Variants in NOP14 observed in about 807,000 individuals in gnomAD.
The protein encoded by NOP14 is NOP14 nucleolar protein.
A neutral mutation model predicts 101.6 loss-of-function variants in NOP14; 57 were observed. The ratio of observed to expected loss-of-function variants is 0.56; its 90% confidence interval spans 0.45 to 0.70. NOP14 has a LOEUF of 0.70. NOP14 is among the 30% of genes least tolerant of loss of function. The pLI, the probability that NOP14 is intolerant of heterozygous loss-of-function variation, is 0.00. For missense variants in NOP14, 1,134 were observed against 1,075.5 expected (o/e 1.05, Z -0.76); for synonymous variants, 428 against 424.0 (o/e 1.01, Z -0.12).
In NOP14 at chr4:2,953,627, G is replaced by C. The variant is rs750876670; in HGVS notation, c.631C>G (p.Arg211Gly). Residue 211 changes from arginine (R) to glycine (G), a missense_variant, in exon 5 of 18, where the codon CGA (arginine) becomes GGA (glycine). By Grantham distance (125) the Arg-to-Gly change is moderately radical. Transcript: ENST00000416614. The stretch of plus-strand genomic sequence containing the variant: ...TCCGTGAGCTCGAGGGCATCTTCTC[G>C]TTGAGCTTGTCTCTCCCTCTGGGGA... ...KQEKRERQAQ[R>G]EDALELTEKL... 1.2e-6 allele frequency: 2 copies of C among 1,614,008 alleles called. No homozygotes were observed. Among genetic ancestry groups the C allele is most frequent in the Non-Finnish European group, 1.7e-6 (2 of 1,180,028 alleles).
Position 2,963,397 on chromosome 4 carries a change from CCG to C in NOP14, c.-80_-79del. The stretch of plus-strand genomic sequence containing the variant: ...GCGCTACCCTAAGACACGTGCCGGG[CCG>C]CGGAACCGCTTCCTCGTCTCGCGAG... On this transcript the variant is annotated 5_prime_UTR_variant, in exon 1 of 18. Coordinates refer to ENST00000416614, the MANE Select transcript of NOP14 (RefSeq NM_001291978.2). 7.3e-7 allele frequency: 1 copy of C among 1,376,248 alleles called. No individual in the cohort carries two copies. Among genetic ancestry groups the C allele is most frequent in the Non-Finnish European group, 9.5e-7 (1 of 1,052,376 alleles). 85.3% of individuals were successfully genotyped at this position (1,376,248 alleles called of 1,614,324 possible).
chr4:2,961,264 TA>T, intron 1 of NOP14: 2 of 87,486 alleles, frequency 2.3e-5, no homozygotes, highest in African/African-American at 7.4e-5. Context: ...ATTAATAATA[TA>T]GTTAGTATAT....
At position 2,946,483 on chromosome 4, in the gene NOP14, G is replaced by A. The variant is rs150411289; in HGVS notation, c.1564C>T (p.Arg522Ter). 2.3e-5 allele frequency: 37 copies of A among 1,614,032 alleles called. No homozygotes were observed. The highest frequency in any genetic ancestry group is 1.9e-4 in the South Asian group (17 of 91,082). ...SASDAIKFVL[R>*]DAMHEMEEMI... ...TCTTCCATCTCATGCATCGCATCTC[G>A]GAGAACAAATTTGATAGCGTCACTT... The change falls in exon 11 of 18, where the codon CGA becomes TGA. Residue 522 changes from arginine to a stop codon, truncating the protein, a stop_gained. Coordinates refer to ENST00000416614, the MANE Select transcript of NOP14 (RefSeq NM_001291978.2). LOFTEE classifies it high-confidence loss of function.
chr4:2,948,943 A>G (rs955832660), intron 8 of NOP14, among the ~76,000 whole-genome samples: 6 of 152,236 alleles, frequency 3.9e-5, no homozygotes, highest in African/African-American at 1.2e-4. Flanking sequence ...TAATAAGGAA[A>G]TGCCCTCCCA....
intron 2 of NOP14, 151 bp downstream of exon 2, chr4:2,957,455 C>G (rs1715424503): frequency 1.1e-6 from 1 of 881,640 alleles, no homozygotes; most frequent in Non-Finnish European, 1.8e-6. Context: ...TCTCCTTTGG[C>G]CTAGCCAGAT....
intron 14 of NOP14, chr4:2,941,986 T>C (rs1560295127): frequency 3.1e-6 from 2 of 641,984 alleles, no homozygotes; most frequent in East Asian, 5.6e-5. Context: ...AAATTATGAT[T>C]TGTGAAATCA....
chr4:2,945,807 T>C (rs1325366284), intron 11 of NOP14, among the ~76,000 whole-genome samples: 2 of 152,180 alleles, frequency 1.3e-5, no homozygotes, highest in African/African-American at 4.8e-5. Flanking sequence ...CTGGACCAAA[T>C]ACAGCACCAT....
Position 2,952,531 on chromosome 4 carries a change from CGTCTTTTCTTCTA to C in NOP14, c.748-147_748-135del, listed in dbSNP as rs1431462336. Reference sequence around the variant, plus strand: ...TATTGAAGTAGCTAAGCCACATCTACGTCTTTTCTTCTAGAGAGAAAACTGTTCTGATAAGCCC... The same window carrying C: ...TATTGAAGTAGCTAAGCCACATCTACGAGAGAAAACTGTTCTGATAAGCCC... On this transcript the variant is annotated intron_variant, in intron 5 of 17. Coordinates refer to ENST00000416614, the MANE Select transcript of NOP14 (RefSeq NM_001291978.2). 4.0e-6 allele frequency: 3 copies of C among 750,524 alleles called. No individual in the cohort carries two copies. The African/African-American group carries it at 5.3e-5, about 13-fold the overall frequency. 46.5% of individuals were successfully genotyped at this position (750,524 alleles called of 1,614,324 possible).
intron 8 of NOP14, 130 bp downstream of exon 8, chr4:2,949,804 A>G: frequency 1.0e-6 from 1 of 997,652 alleles, no homozygotes; most frequent in Non-Finnish European, 1.5e-6. Flanking sequence ...GGGTGTGTCC[A>G]GGCACTCCCA....
Position 2,955,179 on chromosome 4 carries a change from CGGCGCCCCCTCT to C in NOP14, c.473-628_473-617del, listed in dbSNP as rs1236143863. 2.6e-4 allele frequency among the ~76,000 whole-genome samples: 22 copies of C among 84,928 alleles called. 1 individual carries two copies. The highest frequency in any genetic ancestry group is 1.1e-3 in the African/African-American group (21 of 19,066). The allele number at this position is 84,928 out of a possible 152,430, so 55.7% of individuals were successfully genotyped here. A position where few individuals can be genotyped will look rare whatever the true frequency, so the allele number is the denominator to read the frequency against. ...GCCCCCTCTAGTCACCTGCACGCCA[CGGCGCCCCCTCT>C]AGTCACCTGGACCACGGCGCCCCCT... On this transcript the variant is annotated intron_variant, in intron 3 of 17. Coordinates refer to ENST00000416614, the MANE Select transcript of NOP14 (RefSeq NM_001291978.2).
chr4:2,950,243 G>T lies in NOP14; in HGVS notation c.1003-30C>A, dbSNP rs1483642541. ...CAAGAGCGTGGAAACCACAGGGCATGAGGACAGGCGGAGACAACGCTGGAC... is the reference window on the plus strand; with the variant it reads ...CAAGAGCGTGGAAACCACAGGGCATTAGGACAGGCGGAGACAACGCTGGAC... On this transcript the variant is annotated intron_variant, in intron 7 of 17. Coordinates refer to ENST00000416614, the MANE Select transcript of NOP14 (RefSeq NM_001291978.2). 8.1e-6 allele frequency: 13 copies of T among 1,609,088 alleles called. No individual in the cohort carries two copies. In the Admixed American group the frequency reaches 2.2e-4, roughly 27 times the overall value.
Position 2,963,404 on chromosome 4 carries a change from A to G in NOP14, c.-85T>C. ...CCTAAGACACGTGCCGGGCCGCGGA[A>G]CCGCTTCCTCGTCTCGCGAGAACAG... On this transcript the variant is annotated 5_prime_UTR_variant, in exon 1 of 18. Coordinates refer to ENST00000416614, the MANE Select transcript of NOP14 (RefSeq NM_001291978.2). 1 of 1,356,788 alleles carries G rather than the reference A, an allele frequency of 7.4e-7. No individual in the cohort carries two copies. 84.0% of individuals were successfully genotyped at this position (1,356,788 alleles called of 1,614,324 possible).
intron 10 of NOP14, 58 bp downstream of exon 10, chr4:2,947,467 TG>T: frequency 8.5e-7 from 1 of 1,180,774 alleles, no homozygotes. Flanking sequence ...TGACTCTAAA[TG>T]GGAGAAAAAT....
chr4:2,941,645 C>G lies in NOP14; in HGVS notation c.2136G>C (p.Met712Ile), dbSNP rs999674017. 12 of 1,613,418 alleles carry G rather than the reference C, an allele frequency of 7.4e-6. No homozygotes were observed. Among genetic ancestry groups the G allele is most frequent in the Non-Finnish European group, 1.0e-5 (12 of 1,179,968 alleles). Residue 712 changes from methionine (M) to isoleucine (I), a missense_variant, in exon 15 of 18, where the codon ATG (methionine) becomes ATC (isoleucine). Met to Ile is a conservative substitution (Grantham distance 10, BLOSUM62 1). Transcript: ENST00000416614. ...CCGTGAGGAGGGCTTGGAGAGGCCCCATGATGGCGTGGAAGGATGGCAGGG... is the reference window on the plus strand; with the variant it reads ...CCGTGAGGAGGGCTTGGAGAGGCCCGATGATGGCGTGGAAGGATGGCAGGG... Reference protein sequence around the residue: ...YGSLPSFHAIMGPLQALLTDH... With the variant: ...YGSLPSFHAIIGPLQALLTDH...
chr4:2,961,310 T>TATTAATAATATAGTTAGTATA (rs1577858800), intron 1 of NOP14: 2 of 17,250 alleles, frequency 1.2e-4, no homozygotes, highest in East Asian at 1.9e-3. Context: ...TAGTTACTGA[T>TATTAATAATATAGTTAGTATA]TTAAGAACTA....
At chr4:2,960,077 C>A (rs929661348) in intron 1 of NOP14, among the ~76,000 whole-genome samples, 4 of 152,014 alleles carry the variant, frequency 2.6e-5, no homozygotes, top group Non-Finnish European at 5.9e-5. Flanking sequence ...TCAAGCAATT[C>A]TCCTGCCTCA....
rs371904916 is a variant in NOP14 at position 2,957,645 on chromosome 4, G to A, written c.291C>T (p.Pro97=). Residue 97 remains proline, a synonymous_variant, in exon 2 of 18, where the codon CCC becomes CCT. Transcript: ENST00000416614. ...CAAACCTCTTCATCATCTTCTCCTC[G>A]GGGCTCATGTTGCTGTTGTATTCTC... ...RFGEYNSNMS[P]EEKMMKRFAL... The A allele has an allele frequency of 1.4e-5, 23 of 1,614,032 alleles. No individual in the cohort carries two copies. The highest frequency in any genetic ancestry group is 1.8e-5 in the Non-Finnish European group (21 of 1,179,994).
chr4:2,939,589 C>T lies in NOP14; in HGVS notation c.2256G>A (p.Pro752=), dbSNP rs376584087. The change falls in exon 16 of 18, where the codon CCG becomes CCA. Residue 752 remains proline, a synonymous_variant. Coordinates refer to ENST00000416614, the MANE Select transcript of NOP14 (RefSeq NM_001291978.2). ...EMESQKQLCR[P]LTCEKSKPVP... ...CAGGCTTGCTCTTCTCACAGGTCAGCGGCCGGCAGAGCTGCTTCTGGCTTT... is the reference window on the plus strand; with the variant it reads ...CAGGCTTGCTCTTCTCACAGGTCAGTGGCCGGCAGAGCTGCTTCTGGCTTT... 89 of 1,613,846 alleles carry T rather than the reference C, an allele frequency of 5.5e-5. No homozygotes were observed. The highest frequency in any genetic ancestry group is 3.9e-4 in the African/African-American group (29 of 74,932).
At chr4:2,959,925 G>T (rs576550935) in intron 1 of NOP14, among the ~76,000 whole-genome samples, 7 of 151,776 alleles carry the variant, frequency 4.6e-5, no homozygotes, top group African/African-American at 1.7e-4. Context: ...TGTACTGCTC[G>T]ATGAACTCTG....
Sources: gnomAD v4.1 joint callset for allele counts (sites outside exome capture counted in the v4.1 genomes callset) on GRCh38, gnomAD v4.1.1 for gene constraint, MANE v1.5 for transcripts, NCBI Gene and HGNC (gene_info 2026-07-23, HGNC 2026-07-21) for gene names.